Variants in CEP295 observed in about 807,000 individuals in gnomAD.
CEP295 encodes the protein centrosomal protein of 295 kDa.
Under a neutral mutation model 291.6 loss-of-function variants are expected in CEP295, and 190 were observed. That is an observed-to-expected ratio of 0.65 (90% CI 0.58 to 0.73). The LOEUF (loss-of-function observed/expected upper bound fraction) is 0.73, where lower values mean the gene tolerates loss of function less well. Among genes scored for constraint, CEP295 ranks in the 30% least tolerant of loss-of-function variants. The pLI is 0.00. For synonymous variants in CEP295, 993 were observed against 1,038.8 expected, an observed-to-expected ratio of 0.96 and a Z score of 0.85; for missense variants, 2,863 against 2,949.4, an observed-to-expected ratio of 0.97 and a Z score of 0.68.
Position 93,700,041 on chromosome 11 carries a change from T to C in CEP295, c.5129T>C (p.Leu1710Pro). 1 of 1,551,838 alleles carries C rather than the reference T, an allele frequency of 6.4e-7. No individual in the cohort carries two copies. The highest frequency in any genetic ancestry group is 1.2e-5 in the South Asian group (1 of 84,048). ...SVLTQQDNLG[L>P]QKQLDLQREV... ...TTAACTCAGCAAGATAACTTGGGACTTCAGAAACAGTTGGATCTACAAAGA... is the reference window on the plus strand; with the variant it reads ...TTAACTCAGCAAGATAACTTGGGACCTCAGAAACAGTTGGATCTACAAAGA... The change falls in exon 15 of 30, where the codon CTT becomes CCT. Residue 1710 changes from leucine (L) to proline (P), a missense_variant. By Grantham distance (98) the Leu-to-Pro change is moderately conservative. Transcript: ENST00000325212.
intron 18 of CEP295, among the ~76,000 whole-genome samples, chr11:93,713,303 C>T (rs973243827): frequency 3.3e-5 from 5 of 151,896 alleles, no homozygotes; most frequent in African/African-American, 7.3e-5. Flanking sequence ...GATTTTTGTA[C>T]CTTCAGATCA....
chr11:93,668,478 G>C (rs1950287809), intron 3 of CEP295, among the ~76,000 whole-genome samples: 1 of 152,046 alleles, frequency 6.6e-6, no homozygotes, highest in Non-Finnish European at 1.5e-5. Context: ...TCTGTTATTT[G>C]AATACCATGT....
chr11:93,699,319 C>T lies in CEP295; in HGVS notation c.4407C>T (p.Phe1469=). 6.4e-7 allele frequency: 1 copy of T among 1,552,026 alleles called. No individual in the cohort carries two copies. The highest frequency in any genetic ancestry group is 8.7e-7 in the Non-Finnish European group (1 of 1,147,022). Residue 1469 remains phenylalanine, a synonymous_variant, in exon 15 of 30, where the codon TTC becomes TTT. Transcript: ENST00000325212. ...LEEHLHAQTD[F]LPSIEKTQKE... Reference sequence around the variant, plus strand: ...AACACTTGCATGCACAGACAGATTTCCTTCCTTCTATTGAGAAAACCCAGA... The same window carrying T: ...AACACTTGCATGCACAGACAGATTTTCTTCCTTCTATTGAGAAAACCCAGA...
rs966984618 is a variant in CEP295 at position 93,697,055 on chromosome 11, C to G, written c.2143C>G (p.Gln715Glu). 1 of 1,551,468 alleles carries G rather than the reference C, an allele frequency of 6.4e-7. No individual in the cohort carries two copies. Among genetic ancestry groups the G allele is most frequent in the Admixed American group, 2.0e-5 (1 of 50,986 alleles). The change falls in exon 15 of 30, where the codon CAG becomes GAG. Residue 715 changes from glutamine (Q) to glutamate (E), a missense_variant. Gln to Glu is a conservative substitution (Grantham distance 29, BLOSUM62 2). Coordinates refer to ENST00000325212, the MANE Select transcript of CEP295 (RefSeq NM_033395.2). Reference sequence around the variant, plus strand: ...ACAAGAACATCTAAGGCAATTCTCTCAGACTGAAACACAACAGAGAGACTA... The same window carrying G: ...ACAAGAACATCTAAGGCAATTCTCTGAGACTGAAACACAACAGAGAGACTA... ...ESQEHLRQFS[Q>E]TETQQRDYKL... is the part of the protein sequence containing the mutation.
intron 6 of CEP295, among the ~76,000 whole-genome samples, chr11:93,678,269 T>C (rs1950796021): frequency 6.6e-6 from 1 of 152,194 alleles, no homozygotes; most frequent in South Asian, 2.1e-4. Context: ...TTTAATATCA[T>C]ACATATTGAT....
chr11:93,693,820 GC>G (rs1024359529), intron 12 of CEP295, among the ~76,000 whole-genome samples: 1 of 152,228 alleles, frequency 6.6e-6, no homozygotes, highest in African/African-American at 2.4e-5. Flanking sequence ...TTGTTCAGTA[GC>G]ACTTTCTGTG....
At chr11:93,711,247 A>G (rs1297417035) in intron 18 of CEP295, among the ~76,000 whole-genome samples, 1 of 152,140 alleles carries the variant, frequency 6.6e-6, no homozygotes, top group African/African-American at 2.4e-5. Context: ...AAATAGCTAT[A>G]AATTTCCCTC....
Position 93,700,002 on chromosome 11 carries a change from T to C in CEP295, c.5090T>C (p.Phe1697Ser), listed in dbSNP as rs1952054065. 3 of 1,551,652 alleles carry C rather than the reference T, an allele frequency of 1.9e-6. No homozygotes were observed. Among genetic ancestry groups the C allele is most frequent in the Non-Finnish European group, 2.6e-6 (3 of 1,147,000 alleles). Reference protein sequence around the residue: ...IPGFQDRLLSFSQSVLTQQDN... With the variant: ...IPGFQDRLLSSSQSVLTQQDN... ...GGGTTTCAAGATAGACTTTTGAGTT[T>C]TTCACAGTCTGTCTTAACTCAGCAA... Residue 1697 changes from phenylalanine (F) to serine (S), a missense_variant, in exon 15 of 30, where the codon TTT becomes TCT. By Grantham distance (155) the Phe-to-Ser change is radical. Coordinates refer to ENST00000325212, the MANE Select transcript of CEP295 (RefSeq NM_033395.2).
intron 4 of CEP295, 30 bp downstream of exon 4, chr11:93,668,962 A>G (rs755956845): frequency 5.4e-5 from 52 of 965,198 alleles, no homozygotes; most frequent in South Asian, 1.1e-4. Context: ...TATAATCTCA[A>G]CTGAAACTAA....
chr11:93,720,526 C>A (rs1953635756), intron 18 of CEP295, among the ~76,000 whole-genome samples: 1 of 148,144 alleles, frequency 6.8e-6, no homozygotes, highest in African/African-American at 2.5e-5. Flanking sequence ...TAATAGAAGG[C>A]ACTAAAAGGT....
chr11:93,727,008 G>C lies in CEP295; in HGVS notation c.6532G>C (p.Glu2178Gln). The C allele has an allele frequency of 1.3e-6, 2 of 1,540,836 alleles. No individual in the cohort carries two copies. Among genetic ancestry groups the C allele is most frequent in the South Asian group, 1.2e-5 (1 of 81,822 alleles). ...ACAATGTTTTGAACAGCTTCAGCCA[G>C]AATATTCTTCACAGGAGGAGAGCCA... is the stretch of plus-strand genomic sequence containing the variant. ...SEQCFEQLQPEYSSQEESQHA... is the reference protein window; with the variant it reads ...SEQCFEQLQPQYSSQEESQHA... The change falls in exon 24 of 30, where the codon GAA (glutamate) becomes CAA (glutamine). Residue 2178 changes from glutamate to glutamine, a missense_variant. Physicochemically the swap from Glu to Gln is conservative, Grantham distance 29. Coordinates refer to ENST00000325212, the MANE Select transcript of CEP295 (RefSeq NM_033395.2).
rs1954118449 is a variant in CEP295 at position 93,726,127 on chromosome 11, TTTG to T, written c.6499+299_6499+301del. ...TTTGTTTGTTTTTTTTGTTTTTGTT[TTTG>T]TTTTTATTTTGTTTTTGAAGACTGA... On this transcript the variant is annotated intron_variant, in intron 23 of 29. Coordinates refer to ENST00000325212, the MANE Select transcript of CEP295 (RefSeq NM_033395.2). 2.6e-5 allele frequency among the ~76,000 whole-genome samples: 4 copies of T among 152,146 alleles called. No individual in the cohort carries two copies. In the South Asian group the frequency reaches 8.3e-4, roughly 32 times the overall value.
Position 93,672,416 on chromosome 11 carries a change from CT to C in CEP295, c.528+2659del, listed in dbSNP as rs568279632. On this transcript the variant is annotated intron_variant, in intron 5 of 29. Transcript: ENST00000325212. ...GTTTTACTTCTTCCCTTGCTTATAC[CT>C]TTTTTTTTTTTTGAGACGGGATCTC... Among the ~76,000 whole-genome samples the C allele has an allele frequency of 2.1e-3, 308 of 144,732 alleles. 2 individuals carry two copies. The highest frequency in any genetic ancestry group is 3.6e-3 in the Middle Eastern group (1 of 276). 94.9% of individuals were successfully genotyped at this position (144,732 alleles called of 152,430 possible).
chr11:93,706,663 C>A, intron 17 of CEP295, 82 bp from the exon 18 acceptor site: 1 of 1,202,208 alleles, frequency 8.3e-7, no homozygotes, highest in Non-Finnish European at 1.1e-6. Context: ...GCTTAGATTT[C>A]TACCCATAAT....
chr11:93,707,021 C>T (rs1565198014), intron 18 of CEP295, 124 bp downstream of exon 18: 2 of 799,246 alleles, frequency 2.5e-6, no homozygotes, highest in East Asian at 2.8e-5. Context: ...TTAATGGAAT[C>T]GTTATGATGC....
chr11:93,710,078 G>C (rs539342907), intron 18 of CEP295, among the ~76,000 whole-genome samples: 20 of 152,240 alleles, frequency 1.3e-4, no homozygotes, highest in Admixed American at 4.6e-4. Context: ...CGTATCAAAG[G>C]ATAATTTGAC....
intron 18 of CEP295, among the ~76,000 whole-genome samples, chr11:93,710,462 C>A (rs11529070): frequency 0.35 from 52,770 of 152,064 alleles, 9,801 homozygotes; most frequent in South Asian, 0.49. Context: ...ATCCTTGCAT[C>A]CTTGGGATAA....
chr11:93,698,416 A>T lies in CEP295; in HGVS notation c.3504A>T (p.Glu1168Asp). ...AAGAAAATTTGACAATACTCCAAGA[A>T]CAGTCACAAATACAAAGGGTAATAC... Reference protein sequence around the residue: ...AQQENLTILQEQSQIQRVILG... With the variant: ...AQQENLTILQDQSQIQRVILG... Residue 1168 changes from glutamate to aspartate, a missense_variant, in exon 15 of 30, where the codon GAA becomes GAT. Coordinates refer to ENST00000325212, the MANE Select transcript of CEP295 (RefSeq NM_033395.2). The T allele has an allele frequency of 6.4e-7, 1 of 1,552,136 alleles. No homozygotes were observed. The highest frequency in any genetic ancestry group is 8.7e-7 in the Non-Finnish European group (1 of 1,147,072).
In CEP295 at chr11:93,675,630, T is replaced by A; in HGVS notation, c.588T>A (p.Leu196=). ...VKTNSSTYHH[L]HTFVNRETDT... is the part of the protein sequence containing the mutation. ...CCAATAGTTCTACCTACCATCATCT[T>A]CACACTTTTGTGAATAGAGAGACAG... Residue 196 remains leucine, a synonymous_variant, in exon 6 of 30, where the codon CTT becomes CTA. Coordinates refer to ENST00000325212, the MANE Select transcript of CEP295 (RefSeq NM_033395.2). 1 of 1,510,972 alleles carries A rather than the reference T, an allele frequency of 6.6e-7. No individual in the cohort carries two copies. The highest frequency in any genetic ancestry group is 8.8e-7 in the Non-Finnish European group (1 of 1,131,524). 93.6% of individuals were successfully genotyped at this position (1,510,972 alleles called of 1,614,324 possible).
Sources: allele counts gnomAD v4.1 joint callset (sites outside exome capture counted in the v4.1 genomes callset), GRCh38; gene constraint gnomAD v4.1.1; transcripts MANE v1.5; gene names NCBI Gene and HGNC (gene_info 2026-07-23, HGNC 2026-07-21).